The following CSMD2 variants were observed in gnomAD, a reference collection of about 807,000 sequenced individuals.
CSMD2 encodes CUB and Sushi multiple domains 2.
In CSMD2, 130 loss-of-function variants were observed where a neutral mutation model predicts 398.5. The ratio of observed to expected loss-of-function variants is 0.33; its 90% CI spans 0.28 to 0.38. The LOEUF (loss-of-function observed/expected upper bound fraction) is 0.38, where lower values mean the gene tolerates loss of function less well. CSMD2 is among the 10% of genes least tolerant of loss of function. The probability of loss-of-function intolerance (pLI) is 1.00; values close to 1 mark genes in which losing one functional copy is unlikely to be tolerated. For synonymous variants in CSMD2, 1,828 were observed against 1,908.5 expected, an observed-to-expected ratio of 0.96 and a Z score of 1.10; for missense variants, 3,829 against 4,764.9, an observed-to-expected ratio of 0.80 and a Z score of 5.78.
At chr1:33,660,726 C>G (rs1225962381) in intron 26 of CSMD2, among the ~76,000 whole-genome samples, 1 of 152,188 alleles carries the variant, frequency 6.6e-6, no homozygotes, top group Non-Finnish European at 1.5e-5. Context: ...GCAGCTTGCC[C>G]AAGGAAACCC....
chr1:33,998,661 G>A (rs555781100), intron 3 of CSMD2, among the ~76,000 whole-genome samples: 163 of 152,318 alleles, frequency 1.1e-3, no homozygotes, highest in African/African-American at 3.7e-3. Context: ...AGGTGAAAGA[G>A]CCTGGTGTTG....
chr1:33,671,924 A>C (rs1644514177), intron 25 of CSMD2, among the ~76,000 whole-genome samples: 1 of 152,190 alleles, frequency 6.6e-6, no homozygotes, highest in Non-Finnish European at 1.5e-5. Context: ...AAAACAAACA[A>C]ACAAATGATT....
At chr1:33,720,104 G>A (rs1313199661) in intron 19 of CSMD2, among the ~76,000 whole-genome samples, 2 of 152,190 alleles carry the variant, frequency 1.3e-5, no homozygotes, top group Non-Finnish European at 2.9e-5. Flanking sequence ...TAATAGGTCT[G>A]TTAACCCGAG....
At position 33,726,610 on chromosome 1, in the gene CSMD2, G is replaced by C. The variant is rs982528131; in HGVS notation, c.2444C>G (p.Ala815Gly). The change falls in exon 16 of 71, where the codon GCC becomes GGC. Residue 815 changes from alanine (A) to glycine (G), a missense_variant. Physicochemically the swap from Ala to Gly is moderately conservative, Grantham distance 60. Coordinates refer to ENST00000373381, the MANE Select transcript of CSMD2 (RefSeq NM_001281956.2). ...SPGWPGFYKD[A>G]LSCAWVIEAQ... Reference sequence around the variant, plus strand: ...CTCAATCACCCAGGCACAGCTCAAGGCATCCTTGTAGAAGCCAGGCCAGCC... The same window carrying C: ...CTCAATCACCCAGGCACAGCTCAAGCCATCCTTGTAGAAGCCAGGCCAGCC... 5 of 1,613,636 alleles carry C rather than the reference G, an allele frequency of 3.1e-6. No homozygotes were observed. Among genetic ancestry groups the C allele is most frequent in the South Asian group, 1.1e-5 (1 of 91,020 alleles).
rs1211490177 is a variant in CSMD2 at position 33,559,335 on chromosome 1, C to T, written c.8519G>A (p.Ser2840Asn). The T allele has an allele frequency of 1.3e-6, 2 of 1,535,840 alleles. No individual in the cohort carries two copies. The highest frequency in any genetic ancestry group is 1.7e-6 in the Non-Finnish European group (2 of 1,146,914). Residue 2840 changes from serine to asparagine, a missense_variant, in exon 54 of 71, where the codon AGC (serine) becomes AAC (asparagine). Ser to Asn is a conservative substitution (Grantham distance 46). Around this residue, in one of 5 missense-constraint regions of CSMD2, gnomAD observed 917 missense variants for 1,199.5 expected, o/e 0.76. Coordinates refer to ENST00000373381, the MANE Select transcript of CSMD2 (RefSeq NM_001281956.2). The surrounding 1 kb of genome is among the most constrained non-coding windows in gnomAD (Gnocchi z 4.0). ...GGGCAGCATGTCACTCCATTGCCCG[C>T]TGGCCAGGCATTGGGACCTAGCAGC... ...EGAARSQCLASGQWSDMLPTC... is the reference protein window; with the variant it reads ...EGAARSQCLANGQWSDMLPTC...
chr1:33,566,700 T>A (rs553099307), intron 53 of CSMD2, among the ~76,000 whole-genome samples: 2 of 152,218 alleles, frequency 1.3e-5, no homozygotes, highest in East Asian at 3.9e-4. Flanking sequence ...AAAAAAGTAA[T>A]CTTTAAAGGC....
intron 29 of CSMD2, among the ~76,000 whole-genome samples, chr1:33,644,508 G>T (rs1643303670): frequency 6.6e-6 from 1 of 152,176 alleles, no homozygotes; most frequent in African/African-American, 2.4e-5. Flanking sequence ...TTGGCTGGGG[G>T]AAAGGACATC....
rs1005249530 is a variant in CSMD2, at chr1:33,788,582, C to T, written c.1663+18G>A. 2.1e-6 allele frequency: 3 copies of T among 1,419,474 alleles called. No homozygotes were observed. Among genetic ancestry groups the T allele is most frequent in the Non-Finnish European group, 3.0e-6 (3 of 1,003,004 alleles). The allele number at this position is 1,419,474 out of a possible 1,614,324, so 87.9% of individuals were successfully genotyped here. On this transcript the variant is annotated intron_variant, in intron 12 of 70. Transcript: ENST00000373381. ...GACTCCCAGGACACAGTTCATCTGG[C>T]TTGCCAAAAGCAGTTACCTTCATAA...
intron 3 of CSMD2, among the ~76,000 whole-genome samples, chr1:33,941,055 T>C (rs1202111591): frequency 6.6e-6 from 1 of 152,172 alleles, no homozygotes; most frequent in Non-Finnish European, 1.5e-5. Context: ...CTCTCCCATC[T>C]ATAAAGCTTC....
intron 2 of CSMD2, among the ~76,000 whole-genome samples, chr1:34,083,065 T>C (rs898731600): frequency 7.8e-6 from 1 of 127,982 alleles, no homozygotes. Flanking sequence ...GAATGATCAA[T>C]AAATACTAAA....
chr1:34,033,042 G>C (rs896258672), intron 2 of CSMD2, among the ~76,000 whole-genome samples: 2 of 152,188 alleles, frequency 1.3e-5, no homozygotes, highest in African/African-American at 2.4e-5. Flanking sequence ...TTCCCCATGA[G>C]TTTACAACTA....
chr1:33,948,506 C>T (rs895060325), intron 3 of CSMD2, among the ~76,000 whole-genome samples: 6 of 152,084 alleles, frequency 3.9e-5, no homozygotes, highest in Admixed American at 6.6e-5. Flanking sequence ...TAAAAACAGG[C>T]AAATTCAGGA....
At chr1:33,570,739 T>C (rs1264498020) in intron 51 of CSMD2, among the ~76,000 whole-genome samples, 1 of 152,108 alleles carries the variant, frequency 6.6e-6, no homozygotes, top group East Asian at 1.9e-4. Flanking sequence ...TCCTCCCACC[T>C]AGGAAGGTCA....
intron 13 of CSMD2, among the ~76,000 whole-genome samples, chr1:33,758,089 G>A (rs1649295064): frequency 6.6e-6 from 1 of 152,210 alleles, no homozygotes; most frequent in South Asian, 2.1e-4. Context: ...GACTCTCAGT[G>A]ACCTAAGGCC....
intron 42 of CSMD2, among the ~76,000 whole-genome samples, chr1:33,602,782 C>T (rs1478625278): frequency 6.6e-6 from 1 of 152,182 alleles, no homozygotes; most frequent in East Asian, 1.9e-4. Flanking sequence ...TGTGGGTCTG[C>T]CTCAGCCTCC....
intron 5 of CSMD2, among the ~76,000 whole-genome samples, chr1:33,889,872 T>A (rs1217063271): frequency 6.6e-6 from 1 of 151,926 alleles, no homozygotes; most frequent in African/African-American, 2.4e-5. Flanking sequence ...AGGGTAGGGA[T>A]TTAACACATA....
Position 33,706,630 on chromosome 1 carries a change from A to C in CSMD2, c.3576+2459T>G, listed in dbSNP as rs563033832. ...CTGAATATTTACACATATCCAGTTAATTTTCTTGTTGGCACACCACAACAG... is the reference window on the plus strand; with the variant it reads ...CTGAATATTTACACATATCCAGTTACTTTTCTTGTTGGCACACCACAACAG... On this transcript the variant is annotated intron_variant, in intron 22 of 70. Transcript: ENST00000373381. Among the ~76,000 whole-genome samples, 132 of 152,260 alleles carry C rather than the reference A, an allele frequency of 8.7e-4. 1 individual carries two copies. Among genetic ancestry groups the C allele is most frequent in the Non-Finnish European group, 1.5e-3 (100 of 68,024 alleles).
rs369213885 is a variant in CSMD2 at position 33,624,481 on chromosome 1, C to T, written c.5625+38G>A. 1.9e-4 allele frequency: 310 copies of T among 1,606,884 alleles called. No homozygotes were observed. In the African/African-American group the frequency reaches 2.6e-3, roughly 14 times the overall value. ...CTGTGAGCTGTTACCTGGGAGCAGA[C>T]GGCCACCTGCCCGACCGAGGCGCCC... On this transcript the variant is annotated intron_variant, in intron 35 of 70. Coordinates refer to ENST00000373381, the MANE Select transcript of CSMD2 (RefSeq NM_001281956.2). This position sits in a 1 kb window ranked among gnomAD's most constrained non-coding sequence, Gnocchi z 4.7.
Position 33,724,721 on chromosome 1 carries a change from A to G in CSMD2, c.2696-17T>C, listed in dbSNP as rs763294835. The G allele has an allele frequency of 6.2e-6, 10 of 1,610,290 alleles. No homozygotes were observed. The highest frequency in any genetic ancestry group is 8.5e-6 in the Non-Finnish European group (10 of 1,177,598). ...GTGTTATAGCTGAAAGAGAGAGGCC[A>G]CAGCTGGGACAGACAGCTTACTGTC... is the stretch of plus-strand genomic sequence containing the variant. On this transcript the variant is annotated splice_polypyrimidine_tract_variant and intron_variant, in intron 17 of 70. Coordinates refer to ENST00000373381, the MANE Select transcript of CSMD2 (RefSeq NM_001281956.2).
Sources: gnomAD v4.1 joint callset for allele counts (sites outside exome capture counted in the v4.1 genomes callset) on GRCh38, gnomAD v4.1.1 for gene constraint, gnomAD v4.1.1 regional missense constraint, Gnocchi (gnomAD v3.1) non-coding constraint, MANE v1.5 for transcripts, NCBI Gene and HGNC (gene_info 2026-07-23, HGNC 2026-07-21) for gene names.